Variants in HMBOX1 observed in about 807,000 individuals in gnomAD.
HMBOX1 encodes the protein homeobox containing 1.
Under a neutral mutation model 54.5 loss-of-function variants are expected in HMBOX1, and 14 were observed. The observed-to-expected ratio is 0.26, with a 90% CI of 0.17 to 0.40. HMBOX1 has a LOEUF of 0.40. HMBOX1 is among the 10% of genes least tolerant of loss of function. The probability of loss-of-function intolerance (pLI) is 1.00; values close to 1 mark genes in which losing one functional copy is unlikely to be tolerated. For missense variants in HMBOX1, 332 were observed against 514.4 expected, an observed-to-expected ratio of 0.65 and a Z score of 3.43; for synonymous variants, 160 against 181.0, an observed-to-expected ratio of 0.88 and a Z score of 0.93.
chr8:28,980,586 G>A (rs1829173380), intron 4 of HMBOX1, among the ~76,000 whole-genome samples: 1 of 152,104 alleles, frequency 6.6e-6, no homozygotes, highest in Non-Finnish European at 1.5e-5. Context: ...TTTTCCATAT[G>A]TAAAAGCATT....
intron 2 of HMBOX1, among the ~76,000 whole-genome samples, chr8:28,965,068 T>C (rs1260721963): frequency 6.6e-6 from 1 of 152,240 alleles, no homozygotes. Flanking sequence ...CTAATGGCTA[T>C]TGAAAATAGT....
intron 6 of HMBOX1, among the ~76,000 whole-genome samples, chr8:29,022,809 T>G (rs1801392704): frequency 6.8e-6 from 1 of 148,072 alleles, no homozygotes; most frequent in Non-Finnish European, 1.5e-5. Context: ...TCTCGGAAAA[T>G]ACTTTGTTTT....
chr8:29,002,027 T>G (rs1280384588), intron 4 of HMBOX1, among the ~76,000 whole-genome samples: 4 of 152,216 alleles, frequency 2.6e-5, no homozygotes, highest in African/African-American at 9.6e-5. Context: ...ACTTAGCATC[T>G]TGTAACATAA....
At chr8:28,968,940 G>A (rs942353987) in intron 2 of HMBOX1, among the ~76,000 whole-genome samples, 6 of 152,162 alleles carry the variant, frequency 3.9e-5, no homozygotes, top group Admixed American at 3.3e-4. Flanking sequence ...TTGGGAGGCC[G>A]AGGCGGGCGA....
intron 5 of HMBOX1, among the ~76,000 whole-genome samples, chr8:29,017,583 A>G (rs1835216767): frequency 6.6e-6 from 1 of 152,368 alleles, no homozygotes; most frequent in African/African-American, 2.4e-5. Flanking sequence ...TAGGTGGGAT[A>G]ATTAGAGAAG....
chr8:28,912,113 T>A (rs989713226), intron 1 of HMBOX1, among the ~76,000 whole-genome samples: 1 of 152,242 alleles, frequency 6.6e-6, no homozygotes, highest in African/African-American at 2.4e-5. Flanking sequence ...GAAACTGTTC[T>A]AAGCACATTT....
At chr8:28,965,900 A>G (rs1324478618) in intron 2 of HMBOX1, among the ~76,000 whole-genome samples, 3 of 152,114 alleles carry the variant, frequency 2.0e-5, no homozygotes, top group Non-Finnish European at 4.4e-5. Flanking sequence ...AAATATTGTG[A>G]TTGACCCTAG....
chr8:29,026,525 A>C (rs1802071825), intron 6 of HMBOX1, among the ~76,000 whole-genome samples: 1 of 152,172 alleles, frequency 6.6e-6, no homozygotes, highest in Non-Finnish European at 1.5e-5. Flanking sequence ...TATATGAATT[A>C]TATCAAGCTG....
chr8:28,951,156 C>G (rs1365868027), intron 1 of HMBOX1, among the ~76,000 whole-genome samples: 1 of 152,148 alleles, frequency 6.6e-6, no homozygotes, highest in Non-Finnish European at 1.5e-5. Context: ...GTTTTTTGAG[C>G]AGAGTCTCAC....
At chr8:29,041,085 C>T (rs1804738893) in intron 6 of HMBOX1, among the ~76,000 whole-genome samples, 1 of 152,096 alleles carries the variant, frequency 6.6e-6, no homozygotes, top group African/African-American at 2.4e-5. Context: ...TACTGTCTCC[C>T]CCAAGTTCTC....
At chr8:28,954,879 GTACCTTA>G (rs1162697360) in intron 1 of HMBOX1, among the ~76,000 whole-genome samples, 2 of 152,106 alleles carry the variant, frequency 1.3e-5, no homozygotes, top group Non-Finnish European at 2.9e-5. Context: ...CTTTTTTTCT[GTACCTTA>G]TACAGTAATT....
rs544463520 is a variant in HMBOX1, at chr8:28,895,674, C to CA, written c.-58+5009dup. Among the ~76,000 whole-genome samples, 381 of 137,204 alleles carry CA rather than the reference C, an allele frequency of 2.8e-3. 6 individuals are homozygous for CA. The East Asian group carries it at 0.049, about 18-fold the overall frequency. The allele number at this position is 137,204 out of a possible 152,430, so 90.0% of individuals were successfully genotyped here. On this transcript the variant is annotated intron_variant, in intron 1 of 9. Transcript: ENST00000287701. ...TGGGCAACAGAGTGAGACTCAGTCT[C>CA]AAAAAAAAAAAAATTTTGATAATGT...
chr8:28,926,118 G>A (rs1371992437), intron 1 of HMBOX1, among the ~76,000 whole-genome samples: 2 of 151,900 alleles, frequency 1.3e-5, no homozygotes, highest in Non-Finnish European at 2.9e-5. Context: ...GGGCAACATG[G>A]CAAAACCCCG....
chr8:28,933,765 A>G (rs1819904056), intron 1 of HMBOX1, among the ~76,000 whole-genome samples: 1 of 152,162 alleles, frequency 6.6e-6, no homozygotes, highest in Admixed American at 6.5e-5. Flanking sequence ...TAATCTGAAA[A>G]CCCCTATTAA....
chr8:28,900,614 G>A (rs1813075788), intron 1 of HMBOX1, among the ~76,000 whole-genome samples: 1 of 152,032 alleles, frequency 6.6e-6, no homozygotes. Flanking sequence ...TTTTCTAGAT[G>A]TTGTACTTAA....
In HMBOX1 at chr8:28,920,784, C is replaced by A. The variant is rs371370983; in HGVS notation, c.-58+30106C>A. Among the ~76,000 whole-genome samples the A allele has an allele frequency of 2.6e-5, 4 of 152,264 alleles. No homozygotes were observed. In the East Asian group the frequency reaches 7.7e-4, roughly 29 times the overall value. On this transcript the variant is annotated intron_variant, in intron 1 of 9. Coordinates refer to ENST00000287701, the MANE Select transcript of HMBOX1 (RefSeq NM_001135726.3). Reference sequence around the variant, plus strand: ...GAGTGTCAGAAAAGTATTCATCTATCTTTTGAGAGACCAGACAATCAGTAG... The same window carrying A: ...GAGTGTCAGAAAAGTATTCATCTATATTTTGAGAGACCAGACAATCAGTAG...
intron 1 of HMBOX1, among the ~76,000 whole-genome samples, chr8:28,892,730 C>T (rs1811268860): frequency 6.6e-6 from 1 of 151,802 alleles, no homozygotes; most frequent in Admixed American, 6.6e-5. Flanking sequence ...TTTCAATTGA[C>T]CTGAATAGAA....
At chr8:29,027,509 T>C (rs1802251257) in intron 6 of HMBOX1, among the ~76,000 whole-genome samples, 2 of 152,184 alleles carry the variant, frequency 1.3e-5, no homozygotes, top group Non-Finnish European at 1.5e-5. Context: ...GGAGCATTAG[T>C]GTATGTGACT....
chr8:28,957,365 G>A (rs1002598343), intron 1 of HMBOX1, among the ~76,000 whole-genome samples: 5 of 152,108 alleles, frequency 3.3e-5, no homozygotes. Context: ...TTGGGTACAC[G>A]TGCACATAAA....
Sources: allele counts gnomAD v4.1 joint callset (sites outside exome capture counted in the v4.1 genomes callset), GRCh38; gene constraint gnomAD v4.1.1; transcripts MANE v1.5; gene names NCBI Gene and HGNC (gene_info 2026-07-23, HGNC 2026-07-21).